SMIM36: variants seen among roughly 807,000 people sequenced by gnomAD.
SMIM36 encodes the protein small integral membrane protein 36.
intron 1 of SMIM36, among the ~76,000 whole-genome samples, chr17:55,486,025 T>C (rs1222007851): frequency 7.0e-6 from 1 of 142,558 alleles, no homozygotes; most frequent in Non-Finnish European, 1.5e-5. Flanking sequence ...CTTTCTTTTT[T>C]TTTTTTCCTT....
chr17:55,476,722 C>T, intron 3 of SMIM36, among the ~76,000 whole-genome samples: 1 of 152,150 alleles, frequency 6.6e-6, no homozygotes, highest in East Asian at 1.9e-4. Context: ...CATGCCACCA[C>T]ACCTGGCTAA....
intron 4 of SMIM36, among the ~76,000 whole-genome samples, chr17:55,465,098 C>T (rs1048161504): frequency 5.3e-5 from 8 of 152,202 alleles, no homozygotes; most frequent in African/African-American, 1.7e-4. Flanking sequence ...GAGCTCTGTG[C>T]TCTGTGTTGG....
intron 1 of SMIM36, among the ~76,000 whole-genome samples, chr17:55,480,324 A>G (rs549099752): frequency 6.6e-6 from 1 of 152,306 alleles, no homozygotes; most frequent in Non-Finnish European, 1.5e-5. Flanking sequence ...TGGAAGCACA[A>G]AGACAATTTG....
At chr17:55,473,783 T>C (rs1909381197) in intron 3 of SMIM36, among the ~76,000 whole-genome samples, 1 of 152,284 alleles carries the variant, frequency 6.6e-6, no homozygotes, top group South Asian at 2.1e-4. Context: ...CCCAACCTTG[T>C]TCCAGATAAG....
chr17:55,514,472 T>C (rs1015621182), upstream of SMIM36, among the ~76,000 whole-genome samples: 1 of 152,206 alleles, frequency 6.6e-6, no homozygotes, highest in Non-Finnish European at 1.5e-5. Flanking sequence ...AAAAAGGAAT[T>C]ATCAACCCAA....
intron 1 of SMIM36, among the ~76,000 whole-genome samples, chr17:55,481,501 G>T (rs114172302): frequency 6.6e-6 from 1 of 152,022 alleles, no homozygotes; most frequent in Non-Finnish European, 1.5e-5. Flanking sequence ...GATATTGCAC[G>T]GTACAATCCC....
At chr17:55,500,830 TATATATTATA>T (rs1216063816) in intron 1 of SMIM36, among the ~76,000 whole-genome samples, 1 of 17,852 alleles carries the variant, frequency 5.6e-5, no homozygotes, top group Non-Finnish European at 9.9e-5. Flanking sequence ...TATTTTATAA[TATATATTATA>T]ATATATTATA....
the SMIM36 span, among the ~76,000 whole-genome samples, chr17:55,529,074 T>C: frequency 6.6e-6 from 1 of 152,186 alleles, no homozygotes; most frequent in African/African-American, 2.4e-5. Flanking sequence ...CAGATGTTTG[T>C]TCTGGGTCTG....
At position 55,468,155 on chromosome 17, in the gene SMIM36, C is replaced by T. The variant is rs981954902; in HGVS notation, c.*348-827G>A. ...AAGCTTTATTGCTCACACAAAGCCT[C>T]TTCACACGGACACGTGTAACATTTG... On this transcript the variant is annotated intron_variant, in intron 3 of 4. Coordinates refer to ENST00000636752, the Ensembl canonical transcript of SMIM36. 1.3e-5 allele frequency: 2 copies of T among 152,346 alleles called. 1 individual carries two copies. The highest frequency in any genetic ancestry group is 4.8e-5 in the African/African-American group (2 of 41,464). The allele number at this position is 152,346 out of a possible 1,614,324, so 9.4% of individuals were successfully genotyped here.
intron 1 of SMIM36, among the ~76,000 whole-genome samples, chr17:55,498,764 C>T (rs1033364644): frequency 2.0e-5 from 3 of 151,652 alleles, no homozygotes; most frequent in Non-Finnish European, 4.4e-5. Context: ...TCTGGGAGGC[C>T]GAGGCGGGTG....
At chr17:55,466,974 G>A (rs576457127) in intron 4 of SMIM36, among the ~76,000 whole-genome samples, 171 bp downstream of exon 4, 2 of 152,274 alleles carry the variant, frequency 1.3e-5, no homozygotes, top group South Asian at 4.1e-4. Context: ...ACAGAAGGGG[G>A]AAATGAGGCC....
At chr17:55,517,581 T>C in the SMIM36 span, among the ~76,000 whole-genome samples, 433 of 152,084 alleles carry the variant, frequency 2.8e-3, no homozygotes, top group African/African-American at 9.7e-3. Flanking sequence ...CAACAACAAG[T>C]TGAGAGATGC....
At chr17:55,512,247 A>G (rs1263316016), upstream of SMIM36, among the ~76,000 whole-genome samples, 1 of 152,186 alleles carries the variant, frequency 6.6e-6, no homozygotes, top group Non-Finnish European at 1.5e-5. Context: ...ACCCGAAGAG[A>G]AAGGAGCCTG....
chr17:55,501,339 T>A (rs1315553931), intron 1 of SMIM36, among the ~76,000 whole-genome samples: 10 of 52,746 alleles, frequency 1.9e-4, no homozygotes, highest in South Asian at 5.4e-4. Context: ...ATATAATATA[T>A]TATATATTAT....
chr17:55,515,150 A>G (rs1250893783), upstream of SMIM36, among the ~76,000 whole-genome samples: 1 of 140,102 alleles, frequency 7.1e-6, no homozygotes, highest in African/African-American at 2.6e-5. Flanking sequence ...ATGGAAAGTG[A>G]AAGAGGGAAA....
At chr17:55,507,728 TA>T (rs78805605) in intron 1 of SMIM36, among the ~76,000 whole-genome samples, 1,604 of 109,348 alleles carry the variant, frequency 0.015, 19 homozygotes, top group African/African-American at 0.04. Context: ...TAAAGTATAA[TA>T]AAAAAAAAAA....
At chr17:55,459,158 C>G (rs2143235978) in intron 4 of SMIM36, among the ~76,000 whole-genome samples, 1 of 152,212 alleles carries the variant, frequency 6.6e-6, no homozygotes, top group South Asian at 2.1e-4. Context: ...CAGCGGGGCA[C>G]TGAAGATGCG....
the SMIM36 span, among the ~76,000 whole-genome samples, chr17:55,519,406 G>T: frequency 1.3e-5 from 2 of 152,158 alleles, no homozygotes; most frequent in African/African-American, 4.8e-5. Context: ...GGTGGAGTGA[G>T]TGCAATGGTG....
chr17:55,510,701 G>A (rs1364414386), intron 1 of SMIM36, among the ~76,000 whole-genome samples, 178 bp downstream of exon 1: 1 of 138,950 alleles, frequency 7.2e-6, no homozygotes, highest in Non-Finnish European at 1.5e-5. Context: ...ACACACGCAC[G>A]TGCACGTGCA....
Sources: gnomAD v4.1 joint callset for allele counts (sites outside exome capture counted in the v4.1 genomes callset) on GRCh38, gnomAD v4.1.1 for gene constraint, MANE v1.5 for transcripts, NCBI Gene and HGNC (gene_info 2026-07-23, HGNC 2026-07-21) for gene names.